Variants in FHIT observed in about 807,000 individuals in gnomAD.
The protein encoded by FHIT is fragile histidine triad diadenosine triphosphatase.
Under a neutral mutation model 17.9 loss-of-function variants are expected in FHIT, and 19 were observed. The ratio of observed to expected loss-of-function variants is 1.06; its 90% CI spans 0.74 to 1.56. The LOEUF (loss-of-function observed/expected upper bound fraction) is 1.56, where lower values mean the gene tolerates loss of function less well. FHIT is among the 40% of genes most tolerant of loss of function. The pLI, the probability that FHIT is intolerant of heterozygous loss-of-function variation, is 0.00. For missense variants in FHIT, 248 were observed against 189.2 expected (o/e 1.31, Z -1.82); for synonymous variants, 81 against 69.7 (o/e 1.16, Z -0.81).
intron 8 of FHIT, among the ~76,000 whole-genome samples, chr3:59,919,521 G>C (rs6786862): frequency 0.046 from 7,026 of 152,084 alleles, 188 homozygotes; most frequent in African/African-American, 0.062. Flanking sequence ...CCATCAATTA[G>C]TCTCCAAATC....
At chr3:60,479,587 T>C (rs1275864039) in intron 5 of FHIT, among the ~76,000 whole-genome samples, 2 of 152,180 alleles carry the variant, frequency 1.3e-5, no homozygotes, top group African/African-American at 2.4e-5. Flanking sequence ...GCATATTAGG[T>C]ACAGCAGGGG....
intron 3 of FHIT, among the ~76,000 whole-genome samples, chr3:60,838,780 G>A (rs78792572): frequency 0.025 from 3,863 of 151,654 alleles, 165 homozygotes; most frequent in African/African-American, 0.087. Context: ...AAATAAACAT[G>A]TGAAAAATAA....
intron 7 of FHIT, among the ~76,000 whole-genome samples, chr3:59,948,750 G>A (rs563249198): frequency 2.6e-5 from 4 of 151,934 alleles, no homozygotes; most frequent in South Asian, 2.1e-4. Flanking sequence ...CATGTGCTAC[G>A]TGCCACCCTT....
intron 3 of FHIT, among the ~76,000 whole-genome samples, chr3:60,929,275 G>A (rs1212470594): frequency 6.6e-6 from 1 of 152,136 alleles, no homozygotes; most frequent in South Asian, 2.1e-4. Context: ...GGCAAAAACT[G>A]GAAGCACTCC....
chr3:60,416,882 C>T (rs1054504263), intron 5 of FHIT, among the ~76,000 whole-genome samples: 5 of 151,922 alleles, frequency 3.3e-5, no homozygotes, highest in African/African-American at 1.2e-4. Context: ...GTCAGGAGAG[C>T]GAGACCATCC....
In FHIT at chr3:61,102,264, AG is replaced by A. The variant is rs2035856589; in HGVS notation, c.-163-60166del. Among the ~76,000 whole-genome samples the A allele has an allele frequency of 2.6e-5, 4 of 152,198 alleles. No individual in the cohort carries two copies. In the South Asian group the frequency reaches 6.2e-4, roughly 24 times the overall value. ...AGTTTATTCAGAGTTTTTAGCATGA[AG>A]GGCTGTTGAATTTTGTCAAAGACCT... On this transcript the variant is annotated intron_variant, in intron 2 of 9. Transcript: ENST00000492590.
In FHIT at chr3:59,867,124, G is replaced by A. The variant is rs534066959; in HGVS notation, c.348+55222C>T. On this transcript the variant is annotated intron_variant, in intron 8 of 9. Coordinates refer to ENST00000492590, the MANE Select transcript of FHIT (RefSeq NM_002012.4). ...AAAGACTACAAATTATACCATCAAC[G>A]TGAGGTATGGCAAAATCTGATGGCT... 2.2e-4 allele frequency among the ~76,000 whole-genome samples: 19 copies of A among 85,216 alleles called. 1 individual carries two copies. Among genetic ancestry groups the A allele is most frequent in the Non-Finnish European group, 3.9e-4 (17 of 43,948 alleles). 55.9% of individuals were successfully genotyped at this position (85,216 alleles called of 152,430 possible). A position where few individuals can be genotyped will look rare whatever the true frequency, so the allele number is the denominator to read the frequency against.
chr3:60,470,818 T>C (rs963432228), intron 5 of FHIT, among the ~76,000 whole-genome samples: 1 of 152,146 alleles, frequency 6.6e-6, no homozygotes, highest in African/African-American at 2.4e-5. Context: ...GAATGTGCTG[T>C]TCACAACTGA....
chr3:59,764,005 G>A (rs761927980), intron 8 of FHIT, among the ~76,000 whole-genome samples: 31 of 152,168 alleles, frequency 2.0e-4, no homozygotes, highest in Non-Finnish European at 3.5e-4. Context: ...AGGCAAAGCT[G>A]TAATAAATCC....
chr3:60,413,572 T>A (rs769262391), intron 5 of FHIT, among the ~76,000 whole-genome samples: 9 of 152,204 alleles, frequency 5.9e-5, no homozygotes, highest in Non-Finnish European at 1.3e-4. Flanking sequence ...CTGTCTCTTC[T>A]GAAATGGAAA....
chr3:60,659,163 T>C (rs1274075393), intron 4 of FHIT, among the ~76,000 whole-genome samples: 3 of 152,104 alleles, frequency 2.0e-5, no homozygotes, highest in Non-Finnish European at 4.4e-5. Flanking sequence ...TGATTCCTTC[T>C]ACATAATGAG....
At chr3:59,753,889 C>G (rs1009139431) in intron 8 of FHIT, among the ~76,000 whole-genome samples, 9 of 152,286 alleles carry the variant, frequency 5.9e-5, no homozygotes, top group Admixed American at 2.6e-4. Flanking sequence ...GAGGGATCTA[C>G]AGTGTCCCTA....
chr3:60,610,032 C>G (rs1265464433), intron 4 of FHIT, among the ~76,000 whole-genome samples: 1 of 152,152 alleles, frequency 6.6e-6, no homozygotes. Context: ...TACAAGGCAG[C>G]TAGAATGCAG....
chr3:59,963,576 A>G (rs1012655200), intron 7 of FHIT, among the ~76,000 whole-genome samples: 1 of 152,196 alleles, frequency 6.6e-6, no homozygotes. Context: ...CAGAGCGCCT[A>G]ACATGTTTCA....
chr3:60,542,707 T>C (rs559991065), intron 4 of FHIT, among the ~76,000 whole-genome samples: 88 of 152,314 alleles, frequency 5.8e-4, no homozygotes, highest in African/African-American at 2.1e-3. Flanking sequence ...TCACCATCTA[T>C]TAATTTCTCT....
intron 4 of FHIT, among the ~76,000 whole-genome samples, chr3:60,719,475 T>C (rs552730348): frequency 1.6e-3 from 237 of 152,292 alleles, no homozygotes; most frequent in African/African-American, 5.5e-3. Flanking sequence ...GAGTTTATGA[T>C]TAAGATCATG....
intron 5 of FHIT, among the ~76,000 whole-genome samples, chr3:60,159,778 A>C (rs1422680186): frequency 2.0e-5 from 3 of 152,190 alleles, no homozygotes; most frequent in Non-Finnish European, 4.4e-5. Context: ...TCATGCCCCA[A>C]GTCACTAGGT....
At chr3:60,154,072 A>C (rs1192840535) in intron 5 of FHIT, among the ~76,000 whole-genome samples, 2 of 152,246 alleles carry the variant, frequency 1.3e-5, no homozygotes, top group Non-Finnish European at 2.9e-5. Flanking sequence ...AGGGTGGCCA[A>C]GCAAGGCCTC....
chr3:60,441,793 T>TATTTATATATATAAAATATATATAA (rs2030887278), intron 5 of FHIT, among the ~76,000 whole-genome samples: 1 of 111,236 alleles, frequency 9.0e-6, no homozygotes, highest in Non-Finnish European at 1.8e-5. Flanking sequence ...AATATATATA[T>TATTTATATATATAAAATATATATAA]ATATATATAT....
Sources: gnomAD v4.1 joint callset for allele counts (sites outside exome capture counted in the v4.1 genomes callset) on GRCh38, gnomAD v4.1.1 for gene constraint, MANE v1.5 for transcripts, NCBI Gene and HGNC (gene_info 2026-07-23, HGNC 2026-07-21) for gene names.